The following SCFD2 variants were observed in gnomAD, a reference collection of about 807,000 sequenced individuals.
The protein encoded by SCFD2 is sec1 family domain containing 2.
In SCFD2, 54 loss-of-function variants were observed where a neutral mutation model predicts 58.9. That is an observed-to-expected ratio of 0.92 (90% CI 0.74 to 1.15). SCFD2 has a LOEUF of 1.15. Ranked by LOEUF, SCFD2 falls within the 50% of genes most tolerant of loss-of-function variation. The pLI is 0.00. For missense variants in SCFD2, 805 were observed against 836.6 expected (o/e 0.96, Z 0.47); for synonymous variants, 321 against 335.9 (o/e 0.96, Z 0.49).
chr4:52,915,295 G>A (rs984372090), intron 6 of SCFD2, among the ~76,000 whole-genome samples: 4 of 152,174 alleles, frequency 2.6e-5, no homozygotes, highest in African/African-American at 9.7e-5. Flanking sequence ...TGTTGGCATA[G>A]CTGGGGGCTC....
intron 5 of SCFD2, among the ~76,000 whole-genome samples, chr4:53,031,829 A>T (rs928747929): frequency 5.9e-5 from 9 of 152,196 alleles, no homozygotes; most frequent in Non-Finnish European, 1.3e-4. Flanking sequence ...CCTGAAAGTG[A>T]CGAGGAGAAT....
intron 5 of SCFD2, 66 bp from the exon 6 acceptor site, chr4:52,920,936 G>A (rs1719720872): frequency 2.0e-6 from 2 of 1,025,224 alleles, no homozygotes; most frequent in African/African-American, 1.7e-5. Flanking sequence ...GACAGCTTGA[G>A]CTCGATGTAA....
At chr4:53,299,159 G>A (rs1049822884) in intron 3 of SCFD2, among the ~76,000 whole-genome samples, 1 of 152,152 alleles carries the variant, frequency 6.6e-6, no homozygotes, top group African/African-American at 2.4e-5. Context: ...GCTAAAGGAC[G>A]AAGTTCGAAC....
intron 5 of SCFD2, among the ~76,000 whole-genome samples, chr4:53,049,631 A>G (rs1418511130): frequency 6.6e-6 from 1 of 152,106 alleles, no homozygotes; most frequent in Non-Finnish European, 1.5e-5. Context: ...TGACAGAATA[A>G]TGTTAAAGAG....
In SCFD2 at chr4:52,929,463, G is replaced by A. The variant is rs193228229; in HGVS notation, c.1562-8593C>T. Among the ~76,000 whole-genome samples, 154 of 152,292 alleles carry A rather than the reference G, an allele frequency of 1.0e-3. 1 individual carries two copies. Among genetic ancestry groups the A allele is most frequent in the African/African-American group, 3.5e-3 (147 of 41,580 alleles). ...GCTGACAACTATTATTATTAGGCAG[G>A]TTTGGGATGTGTGATGGACATGGAA... On this transcript the variant is annotated intron_variant, in intron 5 of 8. Coordinates refer to ENST00000401642, the MANE Select transcript of SCFD2 (RefSeq NM_152540.4).
intron 7 of SCFD2, among the ~76,000 whole-genome samples, chr4:52,890,716 T>C (rs764309440): frequency 2.2e-4 from 33 of 152,196 alleles, no homozygotes; most frequent in Non-Finnish European, 4.3e-4. Context: ...AGACATCAGT[T>C]CTGGTGAGAG....
intron 5 of SCFD2, among the ~76,000 whole-genome samples, chr4:53,063,322 TA>T (rs1489712780): frequency 6.6e-6 from 1 of 152,132 alleles, no homozygotes; most frequent in Non-Finnish European, 1.5e-5. Context: ...TAAAAACCCA[TA>T]ATAATTATTC....
intron 2 of SCFD2, among the ~76,000 whole-genome samples, chr4:53,337,347 C>A (rs1338642249): frequency 1.3e-5 from 2 of 152,164 alleles, no homozygotes; most frequent in South Asian, 4.1e-4. Flanking sequence ...TTAATTACCT[C>A]TTTAATTACC....
intron 5 of SCFD2, among the ~76,000 whole-genome samples, chr4:53,061,831 A>C (rs1471150431): frequency 6.6e-6 from 1 of 152,102 alleles, no homozygotes; most frequent in Non-Finnish European, 1.5e-5. Flanking sequence ...TGATTGCCTT[A>C]ATCAGTCCTC....
rs545705457 is a variant in SCFD2, at chr4:53,092,243, CT to C, written c.1561+53089del. On this transcript the variant is annotated intron_variant, in intron 5 of 8. Coordinates refer to ENST00000401642, the MANE Select transcript of SCFD2 (RefSeq NM_152540.4). Reference sequence around the variant, plus strand: ...TTGGTGGATTTACATTATAATTTGCCTGATAAAACACGTCATATGACACATA... The same window carrying C: ...TTGGTGGATTTACATTATAATTTGCCGATAAAACACGTCATATGACACATA... Among the ~76,000 whole-genome samples, 524 of 152,102 alleles carry C rather than the reference CT, an allele frequency of 3.4e-3. 1 individual carries two copies. Among genetic ancestry groups the C allele is most frequent in the Non-Finnish European group, 5.8e-3 (395 of 67,972 alleles).
intron 2 of SCFD2, among the ~76,000 whole-genome samples, chr4:53,328,883 T>TGC (rs1410374714): frequency 6.6e-6 from 1 of 152,154 alleles, no homozygotes; most frequent in Non-Finnish European, 1.5e-5. Context: ...GGTCAGTGGG[T>TGC]GCGCGCACCA....
At chr4:53,275,140 T>C (rs1370979465) in intron 3 of SCFD2, among the ~76,000 whole-genome samples, 1 of 152,242 alleles carries the variant, frequency 6.6e-6, no homozygotes, top group Non-Finnish European at 1.5e-5. Flanking sequence ...CATCTATTAG[T>C]CCTGCCTGAC....
At chr4:53,118,904 A>G (rs1162761962) in intron 5 of SCFD2, among the ~76,000 whole-genome samples, 1 of 152,184 alleles carries the variant, frequency 6.6e-6, no homozygotes, top group Non-Finnish European at 1.5e-5. Flanking sequence ...TGGGGGAACA[A>G]AAGCCACTTT....
chr4:53,190,241 C>G (rs1389158501), intron 4 of SCFD2, among the ~76,000 whole-genome samples: 1 of 151,986 alleles, frequency 6.6e-6, no homozygotes, highest in East Asian at 1.9e-4. Context: ...TGAGAAACAG[C>G]TCTGAAACTG....
chr4:53,122,344 T>C (rs1331240109), intron 5 of SCFD2, among the ~76,000 whole-genome samples: 3 of 151,938 alleles, frequency 2.0e-5, no homozygotes, highest in Non-Finnish European at 4.4e-5. Context: ...GCCACTGCAC[T>C]TCAGCCTGGG....
intron 4 of SCFD2, among the ~76,000 whole-genome samples, chr4:53,200,968 G>C (rs911459118): frequency 9.9e-5 from 15 of 151,442 alleles, no homozygotes; most frequent in African/African-American, 3.4e-4. Flanking sequence ...GAATAAGGTT[G>C]ATATGATTTA....
chr4:53,231,199 C>T (rs1182038125), intron 4 of SCFD2, among the ~76,000 whole-genome samples: 1 of 152,100 alleles, frequency 6.6e-6, no homozygotes, highest in African/African-American at 2.4e-5. Flanking sequence ...CTTCTTAATA[C>T]TGAACAAAGT....
intron 2 of SCFD2, among the ~76,000 whole-genome samples, chr4:53,333,294 C>T (rs866317443): frequency 2.5e-4 from 38 of 149,672 alleles, no homozygotes; most frequent in African/African-American, 8.9e-4. Flanking sequence ...ATCGCCAAGG[C>T]AATCCTAAGC....
intron 8 of SCFD2, among the ~76,000 whole-genome samples, chr4:52,882,180 G>A (rs182290483): frequency 9.2e-5 from 14 of 152,296 alleles, no homozygotes; most frequent in Admixed American, 9.1e-4. Flanking sequence ...TAAGAGTGGG[G>A]TGGCTACAGG....
Sources: gnomAD v4.1 joint callset for allele counts (sites outside exome capture counted in the v4.1 genomes callset) on GRCh38, gnomAD v4.1.1 for gene constraint, MANE v1.5 for transcripts, NCBI Gene and HGNC (gene_info 2026-07-23, HGNC 2026-07-21) for gene names.